ARHGEF10: variants seen among roughly 807,000 people sequenced by gnomAD.
ARHGEF10 encodes Rho guanine nucleotide exchange factor (GEF) 10.
In ARHGEF10, 140 loss-of-function variants were observed where a neutral mutation model predicts 147.4. The observed-to-expected ratio is 0.95, with a 90% CI of 0.83 to 1.09. The LOEUF (loss-of-function observed/expected upper bound fraction) is 1.09. Ranked by LOEUF, ARHGEF10 falls within the 50% of genes least tolerant of loss-of-function variation. The pLI, the probability that ARHGEF10 is intolerant of heterozygous loss-of-function variation, is 0.00. For synonymous variants in ARHGEF10, 902 were observed against 695.8 expected (o/e 1.30, Z -4.67); for missense variants, 2,222 against 1,752.7 (o/e 1.27, Z -4.78).
intron 1 of ARHGEF10, among the ~76,000 whole-genome samples, chr8:1,833,029 G>GAA (rs1353104244): frequency 0.011 from 5 of 438 alleles, no homozygotes; most frequent in South Asian, 0.056. Context: ...GGCAGAGACA[G>GAA]GCAGAGAGAG....
chr8:1,945,048 T>C (rs548077811), intron 26 of ARHGEF10, among the ~76,000 whole-genome samples: 141 of 152,310 alleles, frequency 9.3e-4, no homozygotes, highest in Non-Finnish European at 1.6e-3. Flanking sequence ...ACAGCAGAGC[T>C]AAGAGGAGGC....
intron 27 of ARHGEF10, chr8:1,945,890 G>GAGGAGCCGCGTGCTGGA: frequency 1.4e-6 from 1 of 716,212 alleles, no homozygotes; most frequent in Admixed American, 2.4e-5. Context: ...CGCGTGCTGG[G>GAGGAGCCGCGTGCTGGA]AGGAGCCGCG....
intron 7 of ARHGEF10, among the ~76,000 whole-genome samples, chr8:1,871,822 A>G (rs1217117359): frequency 1.3e-5 from 2 of 152,212 alleles, no homozygotes; most frequent in Non-Finnish European, 2.9e-5. Context: ...CTCTGAAAAA[A>G]CAAAACAAAA....
chr8:1,919,598 G>C (rs1220544378), intron 18 of ARHGEF10, among the ~76,000 whole-genome samples: 1 of 150,004 alleles, frequency 6.7e-6, no homozygotes, highest in Non-Finnish European at 1.5e-5. Context: ...GAGCTGTTCT[G>C]TGGGTGATAA....
chr8:1,884,222 T>C, intron 10 of ARHGEF10, among the ~76,000 whole-genome samples: 1 of 151,688 alleles, frequency 6.6e-6, no homozygotes, highest in South Asian at 2.1e-4. Context: ...TGAAACCCCG[T>C]CTCTACTAAA....
At chr8:1,833,779 C>T (rs575720742) in intron 1 of ARHGEF10, among the ~76,000 whole-genome samples, 2 of 152,356 alleles carry the variant, frequency 1.3e-5, no homozygotes, top group South Asian at 2.1e-4. Context: ...TTTAGGAAGC[C>T]CTCCTGGCCG....
chr8:1,915,761 G>A (rs745360107), intron 18 of ARHGEF10, among the ~76,000 whole-genome samples: 6 of 152,224 alleles, frequency 3.9e-5, no homozygotes, highest in Non-Finnish European at 7.3e-5. Context: ...CAGGAGGCAG[G>A]GAGAAGTGGT....
At chr8:1,855,506 G>A (rs1341428861) in intron 2 of ARHGEF10, among the ~76,000 whole-genome samples, 3 of 151,788 alleles carry the variant, frequency 2.0e-5, no homozygotes, top group East Asian at 1.9e-4. Context: ...CTCAGCCTTC[G>A]GAGTAGGTGG....
intron 7 of ARHGEF10, among the ~76,000 whole-genome samples, chr8:1,871,814 C>A (rs1297871038): frequency 6.6e-6 from 1 of 152,080 alleles, no homozygotes; most frequent in Non-Finnish European, 1.5e-5. Flanking sequence ...GAGACTCCCT[C>A]TGAAAAAACA....
intron 17 of ARHGEF10, among the ~76,000 whole-genome samples, chr8:1,909,055 C>T (rs1014500598): frequency 3.3e-5 from 5 of 152,174 alleles, no homozygotes; most frequent in Non-Finnish European, 7.3e-5. Flanking sequence ...TCGGAGCTTC[C>T]GGGAGATCCG....
At chr8:1,851,789 C>T (rs535159623) in intron 2 of ARHGEF10, among the ~76,000 whole-genome samples, 5 of 152,186 alleles carry the variant, frequency 3.3e-5, no homozygotes, top group Admixed American at 1.3e-4. Context: ...TGGCTCATGC[C>T]TGTAGTCCTG....
intron 27 of ARHGEF10, among the ~76,000 whole-genome samples, chr8:1,950,671 A>G (rs981674551): frequency 2.0e-5 from 3 of 150,782 alleles, no homozygotes; most frequent in African/African-American, 7.3e-5. Context: ...AGTTGGGATA[A>G]CAGGTGCCTA....
At chr8:1,832,411 C>T (rs1803186026) in intron 1 of ARHGEF10, among the ~76,000 whole-genome samples, 1 of 110,918 alleles carries the variant, frequency 9.0e-6, no homozygotes, top group Non-Finnish European at 1.9e-5. Flanking sequence ...GAGGCAGAGG[C>T]AGAGACAGAG....
chr8:1,872,707 C>G (rs1367137823), intron 7 of ARHGEF10, among the ~76,000 whole-genome samples: 1 of 152,214 alleles, frequency 6.6e-6, no homozygotes, highest in African/African-American at 2.4e-5. Flanking sequence ...AGGAAACTCA[C>G]TTAGCTGAAT....
chr8:1,935,903 C>T (rs1028271763), intron 26 of ARHGEF10, among the ~76,000 whole-genome samples: 1 of 152,206 alleles, frequency 6.6e-6, no homozygotes, highest in Admixed American at 6.5e-5. Flanking sequence ...AAGCAGGCTG[C>T]GGAACACTGT....
chr8:1,826,596 G>A (rs1206014040), intron 1 of ARHGEF10, among the ~76,000 whole-genome samples: 8 of 152,300 alleles, frequency 5.3e-5, no homozygotes, highest in South Asian at 2.1e-4. Flanking sequence ...GCTAGAAGGC[G>A]TTGTATGGGG....
At chr8:1,840,786 C>G (rs890843622) in intron 1 of ARHGEF10, among the ~76,000 whole-genome samples, 1 of 152,184 alleles carries the variant, frequency 6.6e-6, no homozygotes, top group African/African-American at 2.4e-5. Context: ...AGCTTTCCCT[C>G]CAAGGATAAC....
chr8:1,885,601 A>G lies in ARHGEF10; in HGVS notation c.1076A>G (p.Asp359Gly). Residue 359 changes from aspartate (D) to glycine (G), a missense_variant and splice_region_variant, in exon 11 of 29, where the codon GAT becomes GGT. Transcript: ENST00000349830. Reference sequence around the variant, plus strand: ...CATGCATTTTGACTTTTTTTTTAAGATCACAGATCTTCTCTTGAGGAAGAA... The same window carrying G: ...CATGCATTTTGACTTTTTTTTTAAGGTCACAGATCTTCTCTTGAGGAAGAA... ...FIRTKSLIAQ[D>G]HRSSLEEEQN... 1.2e-6 allele frequency: 2 copies of G among 1,609,636 alleles called. No homozygotes were observed. Among genetic ancestry groups the G allele is most frequent in the African/African-American group, 2.7e-5 (2 of 74,822 alleles).
intron 10 of ARHGEF10, among the ~76,000 whole-genome samples, chr8:1,884,331 G>C (rs1287435709): frequency 6.6e-6 from 1 of 151,534 alleles, no homozygotes; most frequent in East Asian, 1.9e-4. Context: ...GGGAGGCGGA[G>C]CTTGCAGTGA....
Sources: gnomAD v4.1 joint callset for allele counts (sites outside exome capture counted in the v4.1 genomes callset) on GRCh38, gnomAD v4.1.1 for gene constraint, MANE v1.5 for transcripts, NCBI Gene and HGNC (gene_info 2026-07-23, HGNC 2026-07-21) for gene names.